Variants in MBL2 observed in about 807,000 individuals in gnomAD.
The protein encoded by MBL2 is mannose-binding protein C.
A neutral mutation model predicts 12.7 loss-of-function variants in MBL2; 6 were observed. The ratio of observed to expected loss-of-function variants is 0.47; its 90% CI spans 0.26 to 0.94. MBL2 has a LOEUF of 0.94. Ranked by LOEUF, MBL2 falls within the 40% of genes least tolerant of loss-of-function variation. The pLI, the probability that MBL2 is intolerant of heterozygous loss-of-function variation, is 0.15. For synonymous variants in MBL2, 114 were observed against 112.0 expected (o/e 1.02, Z -0.11); for missense variants, 307 against 295.2 (o/e 1.04, Z -0.29).
intron 3 of MBL2, 111 bp downstream of exon 3, chr10:52,770,559 C>G: frequency 1.6e-6 from 1 of 614,954 alleles, no homozygotes; most frequent in South Asian, 5.4e-5. Context: ...GGTCAGAAAG[C>G]AAATTTGGGT....
At position 52,767,845 on chromosome 10, in the gene MBL2, A is replaced by G. The variant is rs1329783796; in HGVS notation, c.*292T>C. 1 of 240,346 alleles carries G rather than the reference A, an allele frequency of 4.2e-6. No individual in the cohort carries two copies. Among genetic ancestry groups the G allele is most frequent in the East Asian group, 8.2e-5 (1 of 12,146 alleles). The allele number at this position is 240,346 out of a possible 1,614,324, so 14.9% of individuals were successfully genotyped here. A position where few individuals can be genotyped will look rare whatever the true frequency, so the allele number is the denominator to read the frequency against. ...TTTCATACTGCAGCAAGTTAACACTATCGAAAGCATTACAGATTAATTAAA... is the reference window on the plus strand; with the variant it reads ...TTTCATACTGCAGCAAGTTAACACTGTCGAAAGCATTACAGATTAATTAAA... On this transcript the variant is annotated 3_prime_UTR_variant, in exon 5 of 5. Transcript: ENST00000674931.
At position 52,770,659 on chromosome 10, in the gene MBL2, G is replaced by C; in HGVS notation, c.304+11C>G. On this transcript the variant is annotated intron_variant, in intron 3 of 4. Transcript: ENST00000674931. ...GGGTGAAGTCAGCTCAGACCTTGCTGGGGTCCTTACCCGGACTTTTTCCAG... is the reference window on the plus strand; with the variant it reads ...GGGTGAAGTCAGCTCAGACCTTGCTCGGGTCCTTACCCGGACTTTTTCCAG... The C allele has an allele frequency of 7.0e-7, 1 of 1,432,778 alleles. No individual in the cohort carries two copies. 88.8% of individuals were successfully genotyped at this position (1,432,778 alleles called of 1,614,324 possible).
At chr10:52,772,642 C>T (rs147795464) in intron 1 of MBL2, 95 bp downstream of exon 1, 8 of 655,380 alleles carry the variant, frequency 1.2e-5, no homozygotes, top group African/African-American at 2.0e-5. Flanking sequence ...CCACTCCCCC[C>T]ACCCCTAGAA....
intron 3 of MBL2, among the ~76,000 whole-genome samples, chr10:52,769,689 G>A (rs549922638): frequency 6.6e-6 from 1 of 152,130 alleles, no homozygotes; most frequent in Non-Finnish European, 1.5e-5. Flanking sequence ...ATGACCTGGT[G>A]AAGAGTGACG....
rs1840294339 is a variant in MBL2, at chr10:52,765,611, TCA to T, written c.*2524_*2525del. 6.6e-6 allele frequency: 1 copy of T among 152,192 alleles called. No homozygotes were observed. Among genetic ancestry groups the T allele is most frequent in the African/African-American group, 2.4e-5 (1 of 41,460 alleles). 9.4% of individuals were successfully genotyped at this position (152,192 alleles called of 1,614,324 possible). On this transcript the variant is annotated 3_prime_UTR_variant, in exon 5 of 5. Transcript: ENST00000674931. The stretch of plus-strand genomic sequence containing the variant: ...ATGAAATAAGAATGATTATTTTCTC[TCA>T]GCTGCAAATACATGGCTGAAACACA...
In MBL2 at chr10:52,768,334, G is replaced by A; in HGVS notation, c.550C>T (p.Leu184=). Residue 184 remains leucine (L), a synonymous_variant, in exon 5 of 5, where the codon CTG becomes TTG. Coordinates refer to ENST00000674931, the MANE Select transcript of MBL2 (RefSeq NM_001378373.1). The part of the protein sequence containing the change: ...IQNLIKEEAF[L]GITDEKTEGQ... ...TCTGTCTTCTCATCAGTGATGCCCA[G>A]GAAGGCTTCCTCCTTGATGAGATTC... 6.2e-7 allele frequency: 1 copy of A among 1,613,808 alleles called. No individual in the cohort carries two copies. The highest frequency in any genetic ancestry group is 1.1e-5 in the South Asian group (1 of 91,078).
Position 52,770,752 on chromosome 10 carries a change from TC to T in MBL2, c.221del (p.Gly74GlufsTer67). ...QGLRGLQGPP[G>X]KLGPPGNPGP... ...CTGGATTTCCTGGAGGCCCCAACTT[TC>T]CAGGGGGGCCCTGTAAGCCTCTGAG... On this transcript the variant is annotated frameshift_variant, in exon 3 of 5. Transcript: ENST00000674931. LOFTEE classifies it high-confidence loss of function. 6.6e-7 allele frequency: 1 copy of T among 1,516,588 alleles called. No homozygotes were observed. 93.9% of individuals were successfully genotyped at this position (1,516,588 alleles called of 1,614,324 possible). A position where few individuals can be genotyped will look rare whatever the true frequency, so the allele number is the denominator to read the frequency against.
Position 52,769,300 on chromosome 10 carries a change from A to T in MBL2, c.320T>A (p.Leu107Gln). 1 of 1,611,554 alleles carries T rather than the reference A, an allele frequency of 6.2e-7. No homozygotes were observed. Among genetic ancestry groups the T allele is most frequent in the South Asian group, 1.1e-5 (1 of 90,760 alleles). The part of the protein sequence containing the change: ...PGKSPDGDSS[L>Q]AASERKALQT... Reference sequence around the variant, plus strand: ...CAGAGCTTTTCTTTCTGAGGCAGCCAGGCTACTATCACCATCTAGAAAATT... The same window carrying T: ...CAGAGCTTTTCTTTCTGAGGCAGCCTGGCTACTATCACCATCTAGAAAATT... Residue 107 changes from leucine (L) to glutamine (Q), a missense_variant, in exon 4 of 5, where the codon CTG becomes CAG. Transcript: ENST00000674931.
intron 2 of MBL2, among the ~76,000 whole-genome samples, chr10:52,771,227 G>T (rs541338722): frequency 1.3e-5 from 2 of 152,132 alleles, no homozygotes; most frequent in Non-Finnish European, 2.9e-5. Flanking sequence ...CCCACGGGAT[G>T]GCCTGACCTG....
In MBL2 at chr10:52,771,542, A is replaced by G. The variant is rs761026187; in HGVS notation, c.94T>C (p.Cys32Arg). ...GAGCTACAGGCAATCACTGCAGGGC[A>G]GGTCTTTTGGGCATCCTCACAGGTC... is the stretch of plus-strand genomic sequence containing the variant. The part of the protein sequence containing the change: ...TVTCEDAQKT[C>R]PAVIACSSPG... The change falls in exon 2 of 5, where the codon TGC (cysteine) becomes CGC (arginine). Residue 32 changes from cysteine (C) to arginine (R), a missense_variant. By Grantham distance (180) the Cys-to-Arg change is radical. Coordinates refer to ENST00000674931, the MANE Select transcript of MBL2 (RefSeq NM_001378373.1). 6.2e-7 allele frequency: 1 copy of G among 1,613,950 alleles called. No homozygotes were observed. Among genetic ancestry groups the G allele is most frequent in the South Asian group, 1.1e-5 (1 of 91,078 alleles).
At position 52,768,239 on chromosome 10, in the gene MBL2, A is replaced by G; in HGVS notation, c.645T>C (p.Asn215=). The change falls in exon 5 of 5, where the codon AAT becomes AAC. Residue 215 remains asparagine (N), a synonymous_variant. Coordinates refer to ENST00000674931, the MANE Select transcript of MBL2 (RefSeq NM_001378373.1). ...ATACACAATCTTCATCAGAACCAGC[A>G]TTGTTGGGTTCACCCTCGTTCCAGT... The part of the protein sequence containing the change: ...YTNWNEGEPN[N]AGSDEDCVLL... The G allele has an allele frequency of 6.2e-7, 1 of 1,613,838 alleles. No homozygotes were observed. Among genetic ancestry groups the G allele is most frequent in the African/African-American group, 1.3e-5 (1 of 74,822 alleles).
In MBL2 at chr10:52,766,135, G is replaced by T. The variant is rs1405732877; in HGVS notation, c.*2002C>A. 6.6e-6 allele frequency: 1 copy of T among 152,168 alleles called. No homozygotes were observed. Among genetic ancestry groups the T allele is most frequent in the Non-Finnish European group, 1.5e-5 (1 of 68,030 alleles). 9.4% of individuals were successfully genotyped at this position (152,168 alleles called of 1,614,324 possible). ...ATGATGAACATTGATTAGAGATTCA[G>T]TAGTAAGTTGCCAGTTCTGCATAAG... On this transcript the variant is annotated 3_prime_UTR_variant, in exon 5 of 5. Transcript: ENST00000674931.
rs567802378 is a variant in MBL2 at position 52,767,354 on chromosome 10, G to A, written c.*783C>T. ...ACACATGACATGAATGAATCTCACA[G>A]ACTTAATTCTGAGTAAACAAGACAT... On this transcript the variant is annotated 3_prime_UTR_variant, in exon 5 of 5. Transcript: ENST00000674931. 6.6e-6 allele frequency: 1 copy of A among 152,168 alleles called. No individual in the cohort carries two copies. The highest frequency in any genetic ancestry group is 3.4e-3 in the Middle Eastern group (1 of 294). The allele number at this position is 152,168 out of a possible 1,614,324, so 9.4% of individuals were successfully genotyped here.
At position 52,767,611 on chromosome 10, in the gene MBL2, G is replaced by A. The variant is rs1346319362; in HGVS notation, c.*526C>T. On this transcript the variant is annotated 3_prime_UTR_variant, in exon 5 of 5. Transcript: ENST00000674931. The stretch of plus-strand genomic sequence containing the variant: ...TGTTTGCTTGAGATTTGTTATTTAT[G>A]TTCTTTACATGGTTTAATATCTCAT... The A allele has an allele frequency of 6.6e-6, 1 of 151,962 alleles. No homozygotes were observed. Among genetic ancestry groups the A allele is most frequent in the Non-Finnish European group, 1.5e-5 (1 of 68,056 alleles). 9.4% of individuals were successfully genotyped at this position (151,962 alleles called of 1,614,324 possible).
chr10:52,768,132 A>T lies in MBL2; in HGVS notation c.*5T>A, dbSNP rs1368193089. On this transcript the variant is annotated 3_prime_UTR_variant, in exon 5 of 5. Coordinates refer to ENST00000674931, the MANE Select transcript of MBL2 (RefSeq NM_001378373.1). ...AGACAAGGAGGGCCTGAGTGATATGACCCTTCAGATAGGGAACTCACAGAC... is the reference window on the plus strand; with the variant it reads ...AGACAAGGAGGGCCTGAGTGATATGTCCCTTCAGATAGGGAACTCACAGAC... 1 of 1,594,340 alleles carries T rather than the reference A, an allele frequency of 6.3e-7. No individual in the cohort carries two copies. Among genetic ancestry groups the T allele is most frequent in the Admixed American group, 1.7e-5 (1 of 58,884 alleles).
intron 4 of MBL2, 64 bp from the exon 5 acceptor site, chr10:52,768,574 G>T: frequency 2.3e-6 from 3 of 1,283,648 alleles, no homozygotes; most frequent in Non-Finnish European, 3.2e-6. Context: ...TATTTCTCAA[G>T]AAAAAGTCTT....
Position 52,767,255 on chromosome 10 carries a change from C to T in MBL2, c.*882G>A, listed in dbSNP as rs1469354133. On this transcript the variant is annotated 3_prime_UTR_variant, in exon 5 of 5. Transcript: ENST00000674931. ...TGGAAGCCACTTAAGTGCCTATTAA[C>T]AATAGAATGGATGAACTGAGGAATA... 3 of 151,858 alleles carry T rather than the reference C, an allele frequency of 2.0e-5. No homozygotes were observed. Among genetic ancestry groups the T allele is most frequent in the Non-Finnish European group, 4.4e-5 (3 of 68,008 alleles). 9.4% of individuals were successfully genotyped at this position (151,858 alleles called of 1,614,324 possible).
rs375995120 is a variant in MBL2 at position 52,766,249 on chromosome 10, T to A, written c.*1888A>T. 3 of 152,114 alleles carry A rather than the reference T, an allele frequency of 2.0e-5. No homozygotes were observed. The highest frequency in any genetic ancestry group is 1.3e-4 in the Admixed American group (2 of 15,258). The allele number at this position is 152,114 out of a possible 1,614,324, so 9.4% of individuals were successfully genotyped here. A position where few individuals can be genotyped will look rare whatever the true frequency, so the allele number is the denominator to read the frequency against. The stretch of plus-strand genomic sequence containing the variant: ...GCTGTTTCTAATATTTATATGGAAA[T>A]CTTGACTTTAAGAAGAACAAAGCTG... On this transcript the variant is annotated 3_prime_UTR_variant, in exon 5 of 5. Transcript: ENST00000674931.
intron 1 of MBL2, among the ~76,000 whole-genome samples, chr10:52,772,296 C>T (rs1006203277): frequency 6.6e-5 from 10 of 152,182 alleles, no homozygotes; most frequent in Non-Finnish European, 1.3e-4. Flanking sequence ...AAATTTCTTA[C>T]TACGTTGGCC....
Sources: allele counts gnomAD v4.1 joint callset (sites outside exome capture counted in the v4.1 genomes callset), GRCh38; gene constraint gnomAD v4.1.1; transcripts MANE v1.5; gene names NCBI Gene and HGNC (gene_info 2026-07-23, HGNC 2026-07-21).